TTC27: variants seen among roughly 807,000 people sequenced by gnomAD.
The protein encoded by TTC27 is tetratricopeptide repeat protein 27.
Under a neutral mutation model 115.9 loss-of-function variants are expected in TTC27, and 79 were observed. The ratio of observed to expected loss-of-function variants is 0.68; its 90% CI spans 0.57 to 0.82. The LOEUF is 0.82. Among genes scored for constraint, TTC27 ranks in the 40% least tolerant of loss-of-function variants. The pLI is 0.00. For missense variants in TTC27, 1,054 were observed against 993.1 expected (o/e 1.06, Z -0.82); for synonymous variants, 401 against 356.0 (o/e 1.13, Z -1.42).
chr2:32,719,017 G>T (rs1667839256), intron 10 of TTC27, among the ~76,000 whole-genome samples: 2 of 152,210 alleles, frequency 1.3e-5, no homozygotes, highest in Non-Finnish European at 2.9e-5. Flanking sequence ...GGCAGAGGAG[G>T]CATCCAGAGG....
At chr2:32,665,613 T>C (rs887069844) in intron 6 of TTC27, among the ~76,000 whole-genome samples, 6 of 152,106 alleles carry the variant, frequency 3.9e-5, no homozygotes, top group Non-Finnish European at 8.8e-5. Context: ...AAATAAACTG[T>C]GACAGGTGCT....
chr2:32,783,623 A>G (rs530507126), intron 15 of TTC27, among the ~76,000 whole-genome samples: 10 of 152,254 alleles, frequency 6.6e-5, no homozygotes, highest in Admixed American at 1.3e-4. Context: ...GTGGCAGTAT[A>G]TGAGGCAGAC....
intron 19 of TTC27, 53 bp downstream of exon 19, chr2:32,817,610 G>A: frequency 1.4e-6 from 2 of 1,462,096 alleles, no homozygotes; most frequent in African/African-American, 1.4e-5. Context: ...AAGGTCATTA[G>A]TATCAGCTTA....
At chr2:32,754,005 G>A (rs1669111246) in intron 12 of TTC27, among the ~76,000 whole-genome samples, 1 of 152,028 alleles carries the variant, frequency 6.6e-6, no homozygotes, top group African/African-American at 2.4e-5. Context: ...AACCTGGGAG[G>A]TGGAGGTTGC....
At chr2:32,654,402 C>CT (rs1015648577) in intron 5 of TTC27, among the ~76,000 whole-genome samples, 18 of 151,850 alleles carry the variant, frequency 1.2e-4, no homozygotes, top group East Asian at 1.9e-4. Context: ...TAAAAAACAG[C>CT]TTTTTTTTCA....
At chr2:32,670,252 A>T (rs1432604876) in intron 7 of TTC27, among the ~76,000 whole-genome samples, 1 of 152,114 alleles carries the variant, frequency 6.6e-6, no homozygotes, top group Non-Finnish European at 1.5e-5. Flanking sequence ...TTAACCCAAG[A>T]TTATTGAGGA....
intron 9 of TTC27, among the ~76,000 whole-genome samples, chr2:32,682,334 A>G (rs562455860): frequency 6.6e-6 from 1 of 152,180 alleles, no homozygotes; most frequent in African/African-American, 2.4e-5. Context: ...CCCCTATCCC[A>G]ACACAGAAGA....
chr2:32,672,813 G>A lies in TTC27; in HGVS notation c.1052+429G>A, dbSNP rs544085415. On this transcript the variant is annotated intron_variant, in intron 8 of 19. Transcript: ENST00000317907. ...TCAAATTTGTGAAAAATGTTTAAGGGCAGGACAATACATATAACTTCTAAG... is the reference window on the plus strand; with the variant it reads ...TCAAATTTGTGAAAAATGTTTAAGGACAGGACAATACATATAACTTCTAAG... 2.8e-4 allele frequency among the ~76,000 whole-genome samples: 42 copies of A among 152,218 alleles called. No individual in the cohort carries two copies. The South Asian group carries it at 7.9e-3, about 29-fold the overall frequency.
chr2:32,721,585 C>G (rs1332842967), intron 10 of TTC27, among the ~76,000 whole-genome samples: 1 of 151,802 alleles, frequency 6.6e-6, no homozygotes, highest in South Asian at 2.1e-4. Flanking sequence ...AGCTTCCTCA[C>G]CTTATCTGGG....
At chr2:32,782,075 C>T (rs1408622904) in intron 14 of TTC27, among the ~76,000 whole-genome samples, 1 of 152,024 alleles carries the variant, frequency 6.6e-6, no homozygotes, top group Non-Finnish European at 1.5e-5. Context: ...TTGTTTGAAT[C>T]AACATTTGTA....
At chr2:32,745,906 C>G (rs1430421818) in intron 12 of TTC27, among the ~76,000 whole-genome samples, 5 of 152,088 alleles carry the variant, frequency 3.3e-5, no homozygotes, top group Admixed American at 3.3e-4. Context: ...AGGGTATGAC[C>G]TTTGCTCTAA....
At chr2:32,800,914 A>G (rs1323941945) in intron 16 of TTC27, among the ~76,000 whole-genome samples, 1 of 152,196 alleles carries the variant, frequency 6.6e-6, no homozygotes, top group Non-Finnish European at 1.5e-5. Context: ...TGGTGATGAA[A>G]AAAACATTTT....
At chr2:32,782,710 G>C in intron 15 of TTC27, 32 bp downstream of exon 15, 1 of 1,550,164 alleles carries the variant, frequency 6.5e-7, no homozygotes, top group Non-Finnish European at 8.9e-7. Flanking sequence ...GAAGAAATTT[G>C]CTTCCCAAAT....
chr2:32,798,649 G>T (rs562418260), intron 16 of TTC27, among the ~76,000 whole-genome samples: 1 of 148,700 alleles, frequency 6.7e-6, no homozygotes, highest in Admixed American at 6.7e-5. Context: ...AGCTTACCGT[G>T]AGCCAAGATT....
chr2:32,631,887 T>C (rs1194167151), intron 2 of TTC27, among the ~76,000 whole-genome samples: 18 of 151,804 alleles, frequency 1.2e-4, no homozygotes, highest in Admixed American at 9.2e-4. Flanking sequence ...CTCGGCTCAC[T>C]GCAACCTCCG....
intron 16 of TTC27, among the ~76,000 whole-genome samples, chr2:32,793,165 C>G (rs1216923968): frequency 6.6e-6 from 1 of 152,114 alleles, no homozygotes; most frequent in Non-Finnish European, 1.5e-5. Context: ...TGAAATCTGT[C>G]ACATACAAAG....
intron 13 of TTC27, among the ~76,000 whole-genome samples, chr2:32,772,805 A>T (rs1490048191): frequency 6.6e-6 from 1 of 152,198 alleles, no homozygotes; most frequent in African/African-American, 2.4e-5. Context: ...TTGCCACTAG[A>T]TGGCAATTGT....
At chr2:32,662,739 AT>A (rs1026443007) in intron 5 of TTC27, among the ~76,000 whole-genome samples, 3 of 149,460 alleles carry the variant, frequency 2.0e-5, no homozygotes, top group Admixed American at 6.7e-5. Flanking sequence ...TCATTTGTTT[AT>A]TTTTTTTTGG....
At chr2:32,706,846 A>T (rs990468476) in intron 10 of TTC27, among the ~76,000 whole-genome samples, 2 of 152,230 alleles carry the variant, frequency 1.3e-5, no homozygotes, top group Admixed American at 6.5e-5. Flanking sequence ...TACAGGCGTG[A>T]GCCACTGCGC....
Sources: allele counts gnomAD v4.1 joint callset (sites outside exome capture counted in the v4.1 genomes callset), GRCh38; gene constraint gnomAD v4.1.1; transcripts MANE v1.5; gene names NCBI Gene and HGNC (gene_info 2026-07-23, HGNC 2026-07-21).